The following CCSER1 variants were observed in gnomAD, a reference collection of about 807,000 sequenced individuals.
The protein encoded by CCSER1 is serine-rich coiled-coil domain-containing protein 1.
A neutral mutation model predicts 82.0 loss-of-function variants in CCSER1; 41 were observed. The observed-to-expected ratio is 0.50, with a 90% CI of 0.39 to 0.65. The LOEUF is 0.65. Among genes scored for constraint, CCSER1 ranks in the 30% least tolerant of loss-of-function variants. The probability of loss-of-function intolerance (pLI) is 0.00; values close to 1 mark genes in which losing one functional copy is unlikely to be tolerated. For missense variants in CCSER1, 1,119 were observed against 1,064.2 expected, an observed-to-expected ratio of 1.05 and a Z score of -0.72; for synonymous variants, 414 against 383.9, an observed-to-expected ratio of 1.08 and a Z score of -0.92.
intron 5 of CCSER1, among the ~76,000 whole-genome samples, chr4:90,512,592 A>T (rs1456015496): frequency 2.0e-5 from 3 of 152,162 alleles, no homozygotes; most frequent in African/African-American, 7.2e-5. Context: ...ACATGAACCT[A>T]TGTTAATTTT....
intron 10 of CCSER1, among the ~76,000 whole-genome samples, chr4:91,185,077 T>C (rs1238602759): frequency 6.6e-6 from 1 of 152,202 alleles, no homozygotes; most frequent in Non-Finnish European, 1.5e-5. Context: ...TGTAGAGAAA[T>C]GATTGAAATG....
chr4:91,063,642 C>T (rs1005827560), intron 9 of CCSER1, among the ~76,000 whole-genome samples: 12 of 152,028 alleles, frequency 7.9e-5, no homozygotes, highest in African/African-American at 2.9e-4. Flanking sequence ...TGGTATACTT[C>T]TAATTTTGCA....
chr4:91,482,387 T>A (rs4450886), intron 10 of CCSER1, among the ~76,000 whole-genome samples: 1 of 55,474 alleles, frequency 1.8e-5, no homozygotes. Flanking sequence ...CCAGCCTGGG[T>A]GACAGAGCGA....
chr4:90,845,876 T>C (rs1763180164), intron 8 of CCSER1, among the ~76,000 whole-genome samples: 1 of 152,120 alleles, frequency 6.6e-6, no homozygotes, highest in Non-Finnish European at 1.5e-5. Flanking sequence ...GCAATGGACT[T>C]GTAACTTATT....
intron 6 of CCSER1, among the ~76,000 whole-genome samples, chr4:90,646,192 T>A: frequency 6.6e-6 from 1 of 152,184 alleles, no homozygotes. Flanking sequence ...TCTAAATCTC[T>A]GTGCATATAG....
chr4:90,783,855 A>C lies in CCSER1; in HGVS notation c.2011-31907A>C, dbSNP rs561622477. On this transcript the variant is annotated intron_variant, in intron 7 of 10. Coordinates refer to ENST00000509176, the MANE Select transcript of CCSER1 (RefSeq NM_001145065.2). ...ACAGGCCCACTTAAGACCAGCTGTA[A>C]TTGTAAGATTATAGAATGTTTTCCC... Among the ~76,000 whole-genome samples the C allele has an allele frequency of 6.3e-4, 96 of 152,284 alleles. 1 individual carries two copies. Among genetic ancestry groups the C allele is most frequent in the Non-Finnish European group, 7.4e-5 (5 of 68,018 alleles).
At chr4:90,674,109 G>A (rs1356922933) in intron 6 of CCSER1, among the ~76,000 whole-genome samples, 1 of 151,912 alleles carries the variant, frequency 6.6e-6, no homozygotes, top group African/African-American at 2.4e-5. Flanking sequence ...ATTTAGCTTT[G>A]TAAAGGATTT....
chr4:91,399,251 C>A (rs1021199615), intron 10 of CCSER1, among the ~76,000 whole-genome samples: 1 of 151,758 alleles, frequency 6.6e-6, no homozygotes, highest in African/African-American at 2.4e-5. Flanking sequence ...ATGCTGGATA[C>A]TTATAAATTC....
At chr4:90,218,688 T>C (rs1029524641) in intron 1 of CCSER1, among the ~76,000 whole-genome samples, 2 of 152,058 alleles carry the variant, frequency 1.3e-5, no homozygotes, top group African/African-American at 4.8e-5. Flanking sequence ...TATATAAAAA[T>C]GTAAACATGA....
chr4:90,142,696 AT>A (rs1446552095), intron 1 of CCSER1, among the ~76,000 whole-genome samples: 18 of 150,772 alleles, frequency 1.2e-4, no homozygotes, highest in Admixed American at 1.2e-3. Flanking sequence ...GTTTTTCTTG[AT>A]CCCTGCAGCC....
chr4:91,162,135 C>T (rs1007918082), intron 10 of CCSER1, among the ~76,000 whole-genome samples: 5 of 152,118 alleles, frequency 3.3e-5, no homozygotes, highest in African/African-American at 1.2e-4. Flanking sequence ...GAGTTTTTAG[C>T]ATGAAGCACT....
intron 9 of CCSER1, among the ~76,000 whole-genome samples, chr4:91,075,212 T>C (rs1435142059): frequency 6.6e-6 from 1 of 151,760 alleles, no homozygotes; most frequent in Non-Finnish European, 1.5e-5. Flanking sequence ...CCTTTCTCCC[T>C]TCCTGCCGTA....
Position 91,523,606 on chromosome 4 carries a change from G to C in CCSER1, c.2218-74966G>C, listed in dbSNP as rs544978010. On this transcript the variant is annotated intron_variant, in intron 10 of 10. Transcript: ENST00000509176. ...CTTCTTCCTGGTTTAGTCTTGGGAG[G>C]GTATATGTGTCCAGGAATTTATCCT... Among the ~76,000 whole-genome samples the C allele has an allele frequency of 2.4e-3, 367 of 152,116 alleles. 1 individual carries two copies. The highest frequency in any genetic ancestry group is 3.7e-3 in the Non-Finnish European group (251 of 67,958).
chr4:90,811,977 T>TATATATAAACACACACACACAC (rs1290803557), intron 7 of CCSER1, among the ~76,000 whole-genome samples: 5 of 95,294 alleles, frequency 5.2e-5, no homozygotes, highest in East Asian at 2.9e-4. Flanking sequence ...CACATATATA[T>TATATATAAACACACACACACAC]ATATATATAT....
At chr4:90,483,551 C>A (rs1185247435) in intron 5 of CCSER1, among the ~76,000 whole-genome samples, 1 of 152,170 alleles carries the variant, frequency 6.6e-6, no homozygotes, top group Non-Finnish European at 1.5e-5. Context: ...TTCAGGAGGT[C>A]TTTCAGGGCA....
intron 9 of CCSER1, among the ~76,000 whole-genome samples, chr4:91,032,074 T>G (rs1475021454): frequency 6.6e-6 from 1 of 152,094 alleles, no homozygotes; most frequent in Non-Finnish European, 1.5e-5. Flanking sequence ...TAGAACAGTA[T>G]TTGTTAAAGA....
At chr4:91,177,077 C>T (rs1178293114) in intron 10 of CCSER1, among the ~76,000 whole-genome samples, 1 of 152,130 alleles carries the variant, frequency 6.6e-6, no homozygotes, top group African/African-American at 2.4e-5. Flanking sequence ...TTGAGATAAT[C>T]ATGTGGTTTT....
At chr4:90,484,904 G>A (rs908503933) in intron 5 of CCSER1, among the ~76,000 whole-genome samples, 3 of 152,202 alleles carry the variant, frequency 2.0e-5, no homozygotes, top group African/African-American at 7.2e-5. Flanking sequence ...CTTGAAAGCT[G>A]TCAGACAGGG....
chr4:90,179,123 A>G (rs967292478), intron 1 of CCSER1, among the ~76,000 whole-genome samples: 7 of 152,296 alleles, frequency 4.6e-5, no homozygotes, highest in African/African-American at 1.7e-4. Flanking sequence ...TATTGTAAAT[A>G]AAATAGTACT....
Sources: gnomAD v4.1 joint callset for allele counts (sites outside exome capture counted in the v4.1 genomes callset) on GRCh38, gnomAD v4.1.1 for gene constraint, MANE v1.5 for transcripts, NCBI Gene and HGNC (gene_info 2026-07-23, HGNC 2026-07-21) for gene names.